Variants in SYT1 observed in about 807,000 individuals in gnomAD.
SYT1 encodes synaptotagmin 1.
Under a neutral mutation model 44.8 loss-of-function variants are expected in SYT1, and 8 were observed. The observed-to-expected ratio is 0.18, with a 90% confidence interval of 0.10 to 0.32. The LOEUF is 0.32. Among genes scored for constraint, SYT1 ranks in the 10% least tolerant of loss-of-function variants. SYT1 has a pLI of 1.00. For synonymous variants in SYT1, 154 were observed against 188.8 expected, an observed-to-expected ratio of 0.82 and a Z score of 1.51; for missense variants, 286 against 509.3, an observed-to-expected ratio of 0.56 and a Z score of 4.22.
chr12:79,209,968 G>A (rs1384038714), intron 3 of SYT1, among the ~76,000 whole-genome samples: 1 of 151,992 alleles, frequency 6.6e-6, no homozygotes, highest in Non-Finnish European at 1.5e-5. Context: ...ACCTCCTCCT[G>A]TATGTGCTTT....
chr12:79,282,266 A>G (rs540658262), intron 4 of SYT1, among the ~76,000 whole-genome samples: 3 of 152,330 alleles, frequency 2.0e-5, no homozygotes, highest in African/African-American at 7.2e-5. Context: ...AGGGGCCATT[A>G]TCATGTCTAC....
At chr12:79,334,292 A>G (rs986096939) in intron 8 of SYT1, among the ~76,000 whole-genome samples, 3 of 152,208 alleles carry the variant, frequency 2.0e-5, no homozygotes, top group Middle Eastern at 3.4e-3. Flanking sequence ...CTCTATATTC[A>G]TATGGTGCAC....
At chr12:79,192,824 A>T (rs1873212352) in intron 3 of SYT1, among the ~76,000 whole-genome samples, 1 of 151,986 alleles carries the variant, frequency 6.6e-6, no homozygotes, top group Admixed American at 6.6e-5. Flanking sequence ...AAATTTTAAG[A>T]CTCACTGGCC....
rs1450967222 is a variant in SYT1, at chr12:79,395,370, G to A, written c.928+41751G>A. ...AGTAGCTGGGATTACAGGGGCCCAC[G>A]ACCACGCCCAGCTAATTTTTGTATT... is the stretch of plus-strand genomic sequence containing the variant. On this transcript the variant is annotated intron_variant, in intron 9 of 10. Transcript: ENST00000261205. 2.0e-5 allele frequency among the ~76,000 whole-genome samples: 3 copies of A among 151,654 alleles called. No homozygotes were observed. In the East Asian group the frequency reaches 5.8e-4, roughly 30 times the overall value.
intron 9 of SYT1, among the ~76,000 whole-genome samples, chr12:79,441,575 A>G (rs1870423477): frequency 6.6e-6 from 1 of 152,150 alleles, no homozygotes; most frequent in Non-Finnish European, 1.5e-5. Flanking sequence ...TCGGCCTCCC[A>G]AAGCGCTGGG....
At chr12:79,184,492 G>A (rs1872702536) in intron 3 of SYT1, among the ~76,000 whole-genome samples, 1 of 151,932 alleles carries the variant, frequency 6.6e-6, no homozygotes, top group Admixed American at 6.6e-5. Flanking sequence ...TCAGTTTCTG[G>A]CCATGTGACC....
At chr12:79,211,727 G>A (rs1467430143) in intron 3 of SYT1, among the ~76,000 whole-genome samples, 1 of 151,686 alleles carries the variant, frequency 6.6e-6, no homozygotes, top group Non-Finnish European at 1.5e-5. Context: ...TACTGAGAAT[G>A]ATGATTTCCA....
intron 1 of SYT1, among the ~76,000 whole-genome samples, chr12:78,942,059 C>G (rs1344253734): frequency 6.6e-6 from 1 of 152,198 alleles, no homozygotes; most frequent in Non-Finnish European, 1.5e-5. Flanking sequence ...TTGTGGAGAA[C>G]CCTTCAATAT....
intron 1 of SYT1, among the ~76,000 whole-genome samples, chr12:78,968,373 C>A (rs1379198722): frequency 6.6e-6 from 1 of 152,062 alleles, no homozygotes; most frequent in African/African-American, 2.4e-5. Flanking sequence ...TCATACACCC[C>A]TCTAGCCCCC....
Position 79,299,461 on chromosome 12 carries a change from C to T in SYT1, c.720C>T (p.Ile240=), listed in dbSNP as rs1378146593. 6.2e-7 allele frequency: 1 copy of T among 1,613,580 alleles called. No homozygotes were observed. The highest frequency in any genetic ancestry group is 1.7e-5 in the Admixed American group (1 of 59,966). Residue 240 remains isoleucine, a synonymous_variant, in exon 8 of 11, where the codon ATC becomes ATT. Transcript: ENST00000261205. ...YDFDRFSKHD[I]IGEFKVPMNT... ...TTGATCGTTTCTCTAAGCATGACAT[C>T]ATTGGAGAATTTAAAGTCCCTATGA...
At chr12:78,876,290 C>A (rs1592514118) in intron 1 of SYT1, among the ~76,000 whole-genome samples, 1 of 151,304 alleles carries the variant, frequency 6.6e-6, no homozygotes, top group African/African-American at 2.4e-5. Context: ...TGATAGTAAA[C>A]CAGTTGCCTA....
intron 3 of SYT1, among the ~76,000 whole-genome samples, chr12:79,110,234 A>T (rs565591636): frequency 6.6e-6 from 1 of 152,296 alleles, no homozygotes; most frequent in East Asian, 1.9e-4. Context: ...CTAGAGATGT[A>T]GGAAAATTTT....
At chr12:79,213,580 A>G (rs1214341019) in intron 3 of SYT1, among the ~76,000 whole-genome samples, 1 of 152,216 alleles carries the variant, frequency 6.6e-6, no homozygotes, top group Non-Finnish European at 1.5e-5. Flanking sequence ...TTAAAGACTG[A>G]GTAGAATATC....
At chr12:79,353,414 T>C (rs1003623963) in intron 8 of SYT1, 88 bp from the exon 9 acceptor site, 1 of 1,018,380 alleles carries the variant, frequency 9.8e-7, no homozygotes, top group Non-Finnish European at 1.5e-6. Flanking sequence ...AACATAATCC[T>C]CCTCTTGAAG....
chr12:79,179,354 C>CTATATA (rs555133628), intron 3 of SYT1, among the ~76,000 whole-genome samples: 2 of 61,076 alleles, frequency 3.3e-5, no homozygotes, highest in East Asian at 5.6e-4. Context: ...ATGTCTATAT[C>CTATATA]GATATAGATA....
intron 3 of SYT1, among the ~76,000 whole-genome samples, chr12:79,130,320 G>C (rs1032088159): frequency 6.6e-6 from 1 of 152,148 alleles, no homozygotes; most frequent in Non-Finnish European, 1.5e-5. Context: ...GAGCAAACTG[G>C]AACACACAGT....
intron 1 of SYT1, among the ~76,000 whole-genome samples, chr12:78,894,620 A>G (rs1369516175): frequency 2.6e-5 from 4 of 151,550 alleles, no homozygotes; most frequent in Non-Finnish European, 4.4e-5. Context: ...AAGGATGACA[A>G]CTCATTATGA....
chr12:79,111,671 G>T (rs181539435), intron 3 of SYT1, among the ~76,000 whole-genome samples: 1 of 151,480 alleles, frequency 6.6e-6, no homozygotes, highest in African/African-American at 2.4e-5. Flanking sequence ...CCTATGGTGA[G>T]TATTTAAATA....
At chr12:79,377,873 C>G (rs1169350948) in intron 9 of SYT1, among the ~76,000 whole-genome samples, 1 of 152,138 alleles carries the variant, frequency 6.6e-6, no homozygotes, top group Non-Finnish European at 1.5e-5. Flanking sequence ...CCAATTAAGA[C>G]AACAAATGGA....
Sources: allele counts gnomAD v4.1 joint callset (sites outside exome capture counted in the v4.1 genomes callset), GRCh38; gene constraint gnomAD v4.1.1; transcripts MANE v1.5; gene names NCBI Gene and HGNC (gene_info 2026-07-23, HGNC 2026-07-21).